Variants in CSMD1 observed in about 807,000 individuals in gnomAD.
CSMD1 encodes the protein CUB and Sushi multiple domains 1.
A neutral mutation model predicts 417.5 loss-of-function variants in CSMD1; 213 were observed. The observed-to-expected ratio is 0.51, with a 90% confidence interval of 0.46 to 0.57. The LOEUF (loss-of-function observed/expected upper bound fraction) is 0.57, where lower values mean the gene tolerates loss of function less well. CSMD1 is among the 20% of genes least tolerant of loss of function. CSMD1 has a pLI of 0.00. For synonymous variants in CSMD1, 2,862 were observed against 1,736.8 expected, an observed-to-expected ratio of 1.65 and a Z score of -16.11; for missense variants, 6,923 against 4,529.7, an observed-to-expected ratio of 1.53 and a Z score of -15.17.
rs146782943 is a variant in CSMD1 at position 4,433,029 on chromosome 8, A to T, written c.303-12964T>A. Among the ~76,000 whole-genome samples, 833 of 152,124 alleles carry T rather than the reference A, an allele frequency of 5.5e-3. 6 individuals are homozygous for T. The highest frequency in any genetic ancestry group is 0.014 in the Middle Eastern group (4 of 294). ...CCACAGGAGCGTCAACACTGTCGTG[A>T]ACTACGTATATGAGGGATCGAGGTT... On this transcript the variant is annotated intron_variant, in intron 2 of 69. Coordinates refer to ENST00000635120, the MANE Select transcript of CSMD1 (RefSeq NM_033225.6).
Position 3,575,117 on chromosome 8 carries a change from G to A in CSMD1, c.1223-51C>T, listed in dbSNP as rs139087503. On this transcript the variant is annotated intron_variant, in intron 9 of 69. Transcript: ENST00000635120. The stretch of plus-strand genomic sequence containing the variant: ...TTTTCTACAACATTGTGTCAGTTTG[G>A]TAAAGACATAACATTTATGGGAAAT... 197 of 1,578,226 alleles carry A rather than the reference G, an allele frequency of 1.2e-4. No individual in the cohort carries two copies. In the African/African-American group the frequency reaches 2.2e-3, roughly 17 times the overall value.
At chr8:3,435,409 G>C (rs1229970391) in intron 12 of CSMD1, among the ~76,000 whole-genome samples, 3 of 152,056 alleles carry the variant, frequency 2.0e-5, no homozygotes, top group Non-Finnish European at 4.4e-5. Flanking sequence ...TCATAGAAAT[G>C]CCTGAAACAT....
chr8:4,446,625 C>T (rs550270746), intron 2 of CSMD1, among the ~76,000 whole-genome samples: 2 of 152,252 alleles, frequency 1.3e-5, no homozygotes, highest in South Asian at 4.1e-4. Context: ...GCGATCTCAG[C>T]TCACTGCAAA....
intron 1 of CSMD1, among the ~76,000 whole-genome samples, chr8:4,961,026 G>A (rs537074544): frequency 6.6e-6 from 1 of 152,022 alleles, no homozygotes. Context: ...CTTACAGAAA[G>A]ATTCTTCCTC....
intron 7 of CSMD1, among the ~76,000 whole-genome samples, chr8:3,694,907 T>C (rs1267499118): frequency 2.0e-5 from 3 of 151,946 alleles, no homozygotes; most frequent in South Asian, 2.1e-4. Flanking sequence ...TGAGGGGAAA[T>C]CGCACATCAT....
At chr8:4,496,626 C>G in intron 2 of CSMD1, among the ~76,000 whole-genome samples, 1 of 152,264 alleles carries the variant, frequency 6.6e-6, no homozygotes, top group Non-Finnish European at 1.5e-5. Context: ...TTTGTTCCTC[C>G]TCTCCCTGTC....
intron 1 of CSMD1, among the ~76,000 whole-genome samples, chr8:4,768,966 T>G (rs920059637): frequency 1.4e-4 from 22 of 152,150 alleles, no homozygotes; most frequent in African/African-American, 5.3e-4. Flanking sequence ...ATAAATTAAC[T>G]TGTGACTAAA....
At chr8:3,305,685 A>C (rs1017248137) in intron 25 of CSMD1, among the ~76,000 whole-genome samples, 2 of 152,052 alleles carry the variant, frequency 1.3e-5, no homozygotes, top group Non-Finnish European at 2.9e-5. Flanking sequence ...CTAAGTCTGT[A>C]ATATTCTTTT....
chr8:4,188,771 G>C (rs998239191), intron 3 of CSMD1, among the ~76,000 whole-genome samples: 1 of 149,606 alleles, frequency 6.7e-6, no homozygotes, highest in African/African-American at 2.5e-5. Flanking sequence ...ATTTTTAGTA[G>C]GAAAGAAGAT....
At chr8:4,153,264 T>C (rs1399947227) in intron 3 of CSMD1, among the ~76,000 whole-genome samples, 1 of 152,214 alleles carries the variant, frequency 6.6e-6, no homozygotes, top group Non-Finnish European at 1.5e-5. Flanking sequence ...CATACGGCTA[T>C]AAAGACAGAG....
intron 2 of CSMD1, among the ~76,000 whole-genome samples, chr8:4,593,356 G>C (rs1295354723): frequency 1.3e-5 from 2 of 152,226 alleles, no homozygotes; most frequent in African/African-American, 2.4e-5. Flanking sequence ...CCTTGTTATT[G>C]TCATGATAAA....
intron 3 of CSMD1, among the ~76,000 whole-genome samples, chr8:4,383,868 G>T (rs1007218893): frequency 1.3e-5 from 2 of 152,066 alleles, no homozygotes; most frequent in Non-Finnish European, 2.9e-5. Context: ...GAATTTTAAA[G>T]AAGAAAATAT....
At chr8:4,915,702 C>G (rs1806017957) in intron 1 of CSMD1, among the ~76,000 whole-genome samples, 1 of 152,204 alleles carries the variant, frequency 6.6e-6, no homozygotes, top group Non-Finnish European at 1.5e-5. Context: ...GGGAGAGGGT[C>G]ACGCCCTAAA....
In CSMD1 at chr8:3,264,344, G is replaced by A. The variant is rs368511906; in HGVS notation, c.4153+19800C>T. On this transcript the variant is annotated intron_variant, in intron 26 of 69. Transcript: ENST00000635120. ...GAAGATCTGGTATTATAACATTAGT[G>A]TGATACAGTGCTATTTACTTGTGTT... 5.7e-4 allele frequency among the ~76,000 whole-genome samples: 87 copies of A among 152,240 alleles called. No individual in the cohort carries two copies. The Middle Eastern group carries it at 0.014, about 24-fold the overall frequency.
intron 1 of CSMD1, among the ~76,000 whole-genome samples, chr8:4,760,563 AAT>A (rs1414399647): frequency 6.6e-6 from 1 of 152,220 alleles, no homozygotes; most frequent in Non-Finnish European, 1.5e-5. Flanking sequence ...GGCAAGCAGG[AAT>A]ATTTTTATTT....
intron 1 of CSMD1, among the ~76,000 whole-genome samples, chr8:4,793,363 T>C (rs1182186520): frequency 2.0e-5 from 3 of 152,170 alleles, no homozygotes; most frequent in Non-Finnish European, 2.9e-5. Context: ...ACTGATATCA[T>C]TTTGAAACAT....
intron 7 of CSMD1, among the ~76,000 whole-genome samples, chr8:3,629,624 C>T (rs1216443996): frequency 1.3e-5 from 2 of 152,094 alleles, no homozygotes; most frequent in East Asian, 3.8e-4. Flanking sequence ...TCTATGATTC[C>T]TATACTCAGG....
At chr8:4,507,341 C>G (rs1450510991) in intron 2 of CSMD1, among the ~76,000 whole-genome samples, 5 of 152,158 alleles carry the variant, frequency 3.3e-5, no homozygotes, top group African/African-American at 1.2e-4. Context: ...TAACGCCACC[C>G]TAATCTGTTT....
At chr8:4,344,486 A>T (rs1420600620) in intron 3 of CSMD1, among the ~76,000 whole-genome samples, 3 of 151,740 alleles carry the variant, frequency 2.0e-5, no homozygotes, top group Admixed American at 1.3e-4. Flanking sequence ...TCTATCTCTC[A>T]ATCTATTTTT....
Sources: allele counts gnomAD v4.1 joint callset (sites outside exome capture counted in the v4.1 genomes callset), GRCh38; gene constraint gnomAD v4.1.1; transcripts MANE v1.5; gene names NCBI Gene and HGNC (gene_info 2026-07-23, HGNC 2026-07-21).